Variants in LPP observed in about 807,000 individuals in gnomAD.
The protein encoded by LPP is lipoma-preferred partner.
LPP carries 38 observed loss-of-function variants against 60.4 expected under a neutral mutation model. The observed-to-expected ratio is 0.63, with a 90% confidence interval of 0.49 to 0.83. The LOEUF is 0.83. LPP is among the 40% of genes least tolerant of loss of function. LPP has a pLI of 0.00. For missense variants in LPP, 902 were observed against 783.6 expected (o/e 1.15, Z -1.80); for synonymous variants, 328 against 290.8 (o/e 1.13, Z -1.30).
chr3:188,549,955 A>C (rs1827649061), intron 6 of LPP, among the ~76,000 whole-genome samples: 1 of 152,168 alleles, frequency 6.6e-6, no homozygotes, highest in Non-Finnish European at 1.5e-5. Context: ...CTTTCATAGA[A>C]AGTATAGTTT....
rs564918847 is a variant in LPP, at chr3:188,760,098, C to T, written c.1241-15C>T. The T allele has an allele frequency of 8.7e-6, 14 of 1,613,284 alleles. No homozygotes were observed. In the African/African-American group the frequency reaches 1.6e-4, roughly 18 times the overall value. ...TACTCCTTGGTGTGTTCTTATCAAACCCTTTTTTTTCCAGGCCGCTGTGCT... is the reference window on the plus strand; with the variant it reads ...TACTCCTTGGTGTGTTCTTATCAAATCCTTTTTTTTCCAGGCCGCTGTGCT... On this transcript the variant is annotated splice_polypyrimidine_tract_variant and intron_variant, in intron 8 of 11. Transcript: ENST00000617246.
At chr3:188,303,394 T>A (rs574125902) in intron 2 of LPP, among the ~76,000 whole-genome samples, 2 of 152,338 alleles carry the variant, frequency 1.3e-5, no homozygotes, top group East Asian at 3.9e-4. Flanking sequence ...CCTAGAGTAG[T>A]ACCTGGCATG....
intron 6 of LPP, among the ~76,000 whole-genome samples, chr3:188,581,692 A>C (rs1457636494): frequency 6.6e-6 from 1 of 152,168 alleles, no homozygotes; most frequent in African/African-American, 2.4e-5. Context: ...GCCCCTGGTT[A>C]TACCCTGGAT....
chr3:188,595,394 C>A (rs1269661390), intron 6 of LPP, among the ~76,000 whole-genome samples: 1 of 152,174 alleles, frequency 6.6e-6, no homozygotes, highest in South Asian at 2.1e-4. Context: ...AATGAATGAA[C>A]CCCCATCAGT....
intron 3 of LPP, among the ~76,000 whole-genome samples, chr3:188,376,109 A>T (rs1774987194): frequency 6.6e-6 from 1 of 152,064 alleles, no homozygotes; most frequent in Non-Finnish European, 1.5e-5. Context: ...TTTGCTGAGG[A>T]GTGCTTTACT....
In LPP at chr3:188,887,398, A is replaced by G. The variant is rs1260291823; in HGVS notation, c.*12919A>G. ...AATAGGAGAGTAGCTTGAGCAGGTTATGATATATCTGCCCAATGTGTTTCA... is the reference window on the plus strand; with the variant it reads ...AATAGGAGAGTAGCTTGAGCAGGTTGTGATATATCTGCCCAATGTGTTTCA... On this transcript the variant is annotated 3_prime_UTR_variant, in exon 12 of 12. Transcript: ENST00000617246. 1 of 215,730 alleles carries G rather than the reference A, an allele frequency of 4.6e-6. No homozygotes were observed. Among genetic ancestry groups the G allele is most frequent in the Non-Finnish European group, 9.4e-6 (1 of 106,940 alleles). 13.4% of individuals were successfully genotyped at this position (215,730 alleles called of 1,614,324 possible). A position where few individuals can be genotyped will look rare whatever the true frequency, so the allele number is the denominator to read the frequency against.
rs914179300 is a variant in LPP, at chr3:188,853,635, C to T, written c.1411-12565C>T. On this transcript the variant is annotated intron_variant, in intron 9 of 11. Coordinates refer to ENST00000617246, the MANE Select transcript of LPP (RefSeq NM_001375462.1). ...CAGCATCCTGAAGGGCCTTGAACAT[C>T]AAGTTAAAACGTTTGGCTTTGGGGA... is the stretch of plus-strand genomic sequence containing the variant. Among the ~76,000 whole-genome samples, 5 of 152,226 alleles carry T rather than the reference C, an allele frequency of 3.3e-5. No homozygotes were observed. In the South Asian group the frequency reaches 8.3e-4, roughly 25 times the overall value.
At chr3:188,839,706 C>T (rs1577902641) in intron 9 of LPP, among the ~76,000 whole-genome samples, 1 of 151,682 alleles carries the variant, frequency 6.6e-6, no homozygotes, top group Non-Finnish European at 1.5e-5. Context: ...AACCTCATCT[C>T]TATTAAAAAA....
intron 7 of LPP, among the ~76,000 whole-genome samples, chr3:188,664,387 A>C (rs1855296695): frequency 6.6e-6 from 1 of 152,218 alleles, no homozygotes; most frequent in Non-Finnish European, 1.5e-5. Context: ...TTGAATAAAT[A>C]AAGTTACACA....
Position 188,304,674 on chromosome 3 carries a change from G to A in LPP, c.-66-36989G>A, listed in dbSNP as rs527513829. ...ACATATTTCCTGGCACTTAGCATGT[G>A]TTCAGCAAATAATTGTAGACTTGAA... On this transcript the variant is annotated intron_variant, in intron 2 of 11. Coordinates refer to ENST00000617246, the MANE Select transcript of LPP (RefSeq NM_001375462.1). Among the ~76,000 whole-genome samples, 3 of 152,264 alleles carry A rather than the reference G, an allele frequency of 2.0e-5. No homozygotes were observed. The South Asian group carries it at 6.2e-4, about 32-fold the overall frequency.
chr3:188,246,820 T>C (rs1453774276), intron 2 of LPP, among the ~76,000 whole-genome samples: 1 of 152,188 alleles, frequency 6.6e-6, no homozygotes, highest in Non-Finnish European at 1.5e-5. Flanking sequence ...ACACAAAATA[T>C]CTTGTTCGAA....
chr3:188,780,252 G>A (rs1739212567), intron 9 of LPP, among the ~76,000 whole-genome samples: 1 of 152,156 alleles, frequency 6.6e-6, no homozygotes, highest in Non-Finnish European at 1.5e-5. Context: ...TAGTAACATT[G>A]AAATCAAACC....
intron 8 of LPP, chr3:188,710,662 T>A (rs766024208): frequency 6.6e-6 from 1 of 151,992 alleles, no homozygotes; most frequent in Non-Finnish European, 1.5e-5. Flanking sequence ...TTTTTAAAAG[T>A]GAAAAATAAG....
chr3:188,620,773 T>C (rs977047864), intron 7 of LPP, among the ~76,000 whole-genome samples: 6 of 152,236 alleles, frequency 3.9e-5, no homozygotes, highest in African/African-American at 1.2e-4. Flanking sequence ...CAGCAGGGTA[T>C]GAGGATCTCA....
intron 7 of LPP, among the ~76,000 whole-genome samples, chr3:188,702,661 G>C (rs1002579421): frequency 6.6e-6 from 1 of 152,134 alleles, no homozygotes; most frequent in East Asian, 1.9e-4. Context: ...ATCATATAAC[G>C]TTAACTTGCC....
chr3:188,181,181 C>T (rs1218165870), intron 1 of LPP, among the ~76,000 whole-genome samples: 2 of 151,882 alleles, frequency 1.3e-5, no homozygotes, highest in African/African-American at 2.4e-5. Flanking sequence ...GGTGAAACCC[C>T]GTCTCTACTA....
intron 7 of LPP, among the ~76,000 whole-genome samples, chr3:188,633,977 A>T (rs1383336752): frequency 6.6e-6 from 1 of 152,184 alleles, no homozygotes; most frequent in Non-Finnish European, 1.5e-5. Context: ...GCATAATTTG[A>T]TTAGACCAAA....
At chr3:188,682,887 G>A (rs1198816737) in intron 7 of LPP, among the ~76,000 whole-genome samples, 1 of 152,146 alleles carries the variant, frequency 6.6e-6, no homozygotes, top group African/African-American at 2.4e-5. Flanking sequence ...CTAGGGATGT[G>A]TATATCATAC....
intron 9 of LPP, among the ~76,000 whole-genome samples, chr3:188,831,776 C>G (rs1577854909): frequency 6.6e-6 from 1 of 152,186 alleles, no homozygotes; most frequent in African/African-American, 2.4e-5. Flanking sequence ...TTCTGACTTT[C>G]AATCAGCTCT....
Sources: gnomAD v4.1 joint callset for allele counts (sites outside exome capture counted in the v4.1 genomes callset) on GRCh38, gnomAD v4.1.1 for gene constraint, MANE v1.5 for transcripts, NCBI Gene and HGNC (gene_info 2026-07-23, HGNC 2026-07-21) for gene names.